The following GPR161 variants were observed in gnomAD, a reference collection of about 807,000 sequenced individuals.
GPR161 encodes G-protein coupled receptor RE2.
GPR161 carries 25 observed loss-of-function variants against 39.2 expected under a neutral mutation model. The observed-to-expected ratio is 0.64, with a 90% confidence interval of 0.47 to 0.89. GPR161 has a LOEUF of 0.89. Ranked by LOEUF, GPR161 falls within the 40% of genes least tolerant of loss-of-function variation. The probability of loss-of-function intolerance (pLI) is 0.00; values close to 1 mark genes in which losing one functional copy is unlikely to be tolerated. For missense variants in GPR161, 547 were observed against 677.8 expected, an observed-to-expected ratio of 0.81 and a Z score of 2.14; for synonymous variants, 286 against 276.6, an observed-to-expected ratio of 1.03 and a Z score of -0.34.
At chr1:168,087,021 C>T (rs1182083669) in intron 5 of GPR161, among the ~76,000 whole-genome samples, 1 of 152,182 alleles carries the variant, frequency 6.6e-6, no homozygotes, top group African/African-American at 2.4e-5. Flanking sequence ...TCCTAATCAG[C>T]ATGTCTGGAT....
chr1:168,111,488 A>C (rs770282628), intron 1 of GPR161, among the ~76,000 whole-genome samples: 132 of 152,294 alleles, frequency 8.7e-4, no homozygotes, highest in Non-Finnish European at 1.4e-3. Context: ...AGGAAGATAA[A>C]TCTCCCTAAT....
At chr1:168,115,777 A>AT (rs1572346318) in intron 1 of GPR161, among the ~76,000 whole-genome samples, 1 of 151,526 alleles carries the variant, frequency 6.6e-6, no homozygotes, top group South Asian at 2.1e-4. Context: ...CTCCAGAGAA[A>AT]ATTTTTTTTT....
chr1:168,086,538 C>T (rs1006267679), intron 5 of GPR161, among the ~76,000 whole-genome samples: 1 of 152,214 alleles, frequency 6.6e-6, no homozygotes, highest in African/African-American at 2.4e-5. Flanking sequence ...CCACTCTCTG[C>T]CCTGCCACTC....
chr1:168,100,489 A>G (rs1009353446), intron 2 of GPR161, among the ~76,000 whole-genome samples: 4 of 152,150 alleles, frequency 2.6e-5, no homozygotes, highest in Non-Finnish European at 5.9e-5. Context: ...TTTAGACATG[A>G]GCCCAATCAC....
intron 1 of GPR161, among the ~76,000 whole-genome samples, chr1:168,115,812 G>A (rs1464689035): frequency 4.0e-5 from 6 of 150,428 alleles, no homozygotes; most frequent in Non-Finnish European, 5.9e-5. Flanking sequence ...GTCTTGCACT[G>A]TCGCCCAGGC....
intron 2 of GPR161, among the ~76,000 whole-genome samples, chr1:168,100,210 C>CAAAAAA (rs35900694): frequency 1.8e-5 from 1 of 54,820 alleles, no homozygotes; most frequent in East Asian, 5.9e-4. Flanking sequence ...GACCCTGTCT[C>CAAAAAA]AAAAAAAAAA....
chr1:168,118,227 G>T (rs560889503), intron 1 of GPR161, among the ~76,000 whole-genome samples: 1 of 152,104 alleles, frequency 6.6e-6, no homozygotes, highest in Non-Finnish European at 1.5e-5. Context: ...GAAAATATTC[G>T]CAAATTATGT....
chr1:168,119,255 TAC>T (rs1697937614), intron 1 of GPR161, among the ~76,000 whole-genome samples: 3 of 125,948 alleles, frequency 2.4e-5, no homozygotes, highest in African/African-American at 6.4e-5. Flanking sequence ...CATATATATA[TAC>T]GTATATATAT....
intron 1 of GPR161, chr1:168,136,418 T>G: frequency 7.4e-7 from 1 of 1,356,960 alleles, no homozygotes; most frequent in Non-Finnish European, 9.5e-7. Flanking sequence ...TTTAGGGGCT[T>G]CGGGCGGCGC....
chr1:168,136,243 A>G (rs1699357935), intron 1 of GPR161: 3 of 1,334,740 alleles, frequency 2.2e-6, no homozygotes, highest in South Asian at 1.9e-5. Context: ...CCCGGCTGGG[A>G]GAAGGCTGCT....
At position 168,087,565 on chromosome 1, in the gene GPR161, A is replaced by C; in HGVS notation, c.1324+20T>G. On this transcript the variant is annotated intron_variant, in intron 5 of 5. Transcript: ENST00000682931. ...CCGTTTCCCTATGTTTTCTTGAAGC[A>C]ATCAGTCACAGAAGCCAACCTTTGA... is the stretch of plus-strand genomic sequence containing the variant. 1 of 1,613,776 alleles carries C rather than the reference A, an allele frequency of 6.2e-7. No individual in the cohort carries two copies. Among genetic ancestry groups the C allele is most frequent in the Non-Finnish European group, 8.5e-7 (1 of 1,179,704 alleles).
At chr1:168,099,845 G>C (rs1381256980) in intron 2 of GPR161, among the ~76,000 whole-genome samples, 2 of 144,896 alleles carry the variant, frequency 1.4e-5, no homozygotes, top group African/African-American at 5.0e-5. Flanking sequence ...TTGGGGGGGG[G>C]GGGTTGGTGT....
chr1:168,105,043 G>A (rs1431201584), intron 1 of GPR161, 149 bp from the exon 2 acceptor site: 1 of 614,532 alleles, frequency 1.6e-6, no homozygotes, highest in African/African-American at 1.8e-5. Flanking sequence ...CCCCACGTAA[G>A]CGCTACATAA....
chr1:168,129,552 T>C (rs922296559), intron 1 of GPR161, among the ~76,000 whole-genome samples: 1 of 152,174 alleles, frequency 6.6e-6, no homozygotes. Context: ...AGGCCACGGC[T>C]ATGGCCCAAG....
intron 1 of GPR161, among the ~76,000 whole-genome samples, chr1:168,111,449 T>C (rs907464761): frequency 1.3e-5 from 2 of 152,126 alleles, no homozygotes; most frequent in African/African-American, 4.8e-5. Context: ...GATTTTTGGG[T>C]AAAGCTGCTT....
rs984336742 is a variant in GPR161 at position 168,084,650 on chromosome 1, A to G, written c.*881T>C. ...AAACATCACACATAGAATCTATTTA[A>G]TGAGGCTTTCCCATGTGAACAAATT... On this transcript the variant is annotated 3_prime_UTR_variant, in exon 6 of 6. Coordinates refer to ENST00000682931, the MANE Select transcript of GPR161 (RefSeq NM_001375883.1). 2.7e-6 allele frequency: 1 copy of G among 365,688 alleles called. No individual in the cohort carries two copies. The allele number at this position is 365,688 out of a possible 1,614,324, so 22.7% of individuals were successfully genotyped here.
chr1:168,126,443 T>C (rs1414309975), intron 1 of GPR161, among the ~76,000 whole-genome samples: 6 of 151,908 alleles, frequency 3.9e-5, no homozygotes, highest in African/African-American at 9.7e-5. Flanking sequence ...CTTCTCATAA[T>C]ACAAGTATTG....
chr1:168,136,363 G>A (rs1057083628), intron 1 of GPR161: 216 of 1,463,670 alleles, frequency 1.5e-4, no homozygotes, highest in Non-Finnish European at 1.9e-4. Flanking sequence ...GCCCGCATCG[G>A]CAGAGTCCCG....
At position 168,110,584 on chromosome 1, in the gene GPR161, AAAG is replaced by A. The variant is rs1241430105; in HGVS notation, c.-44-5693_-44-5691del. ...AAAGAAAAGAAAAGAAAAGAAAAGA[AAAG>A]AAAAGAAAAGAGACAATAAAACCAA... On this transcript the variant is annotated intron_variant, in intron 1 of 5. Transcript: ENST00000682931. Among the ~76,000 whole-genome samples, 73 of 103,834 alleles carry A rather than the reference AAAG, an allele frequency of 7.0e-4. 1 individual carries two copies. The highest frequency in any genetic ancestry group is 1.3e-3 in the Non-Finnish European group (69 of 55,152). 68.1% of individuals were successfully genotyped at this position (103,834 alleles called of 152,430 possible). A position where few individuals can be genotyped will look rare whatever the true frequency, so the allele number is the denominator to read the frequency against.
Sources: gnomAD v4.1 joint callset for allele counts (sites outside exome capture counted in the v4.1 genomes callset) on GRCh38, gnomAD v4.1.1 for gene constraint, MANE v1.5 for transcripts, NCBI Gene and HGNC (gene_info 2026-07-23, HGNC 2026-07-21) for gene names.